The following KCNH1 variants were observed in gnomAD, a reference collection of about 807,000 sequenced individuals.
KCNH1 encodes the protein potassium voltage-gated channel subfamily H member 1.
Under a neutral mutation model 69.2 loss-of-function variants are expected in KCNH1, and 27 were observed. The ratio of observed to expected loss-of-function variants is 0.39; its 90% CI spans 0.29 to 0.54. The LOEUF is 0.54. Ranked by LOEUF, KCNH1 falls within the 20% of genes least tolerant of loss-of-function variation. The pLI, the probability that KCNH1 is intolerant of heterozygous loss-of-function variation, is 0.68. For synonymous variants in KCNH1, 456 were observed against 487.7 expected (o/e 0.93, Z 0.86); for missense variants, 798 against 1,261.6 (o/e 0.63, Z 5.57).
chr1:210,864,216 C>T (rs779617990), intron 7 of KCNH1, among the ~76,000 whole-genome samples: 5 of 152,204 alleles, frequency 3.3e-5, no homozygotes, highest in Admixed American at 6.5e-5. Context: ...GCTGTCTCCA[C>T]TATTGAGCCA....
chr1:210,954,058 C>T lies in KCNH1; in HGVS notation c.1033-33989G>A, dbSNP rs145634458. 2.6e-4 allele frequency among the ~76,000 whole-genome samples: 40 copies of T among 152,138 alleles called. No individual in the cohort carries two copies. The East Asian group carries it at 7.7e-3, about 29-fold the overall frequency. On this transcript the variant is annotated intron_variant, in intron 6 of 10. Coordinates refer to ENST00000271751, the MANE Select transcript of KCNH1 (RefSeq NM_172362.3). The stretch of plus-strand genomic sequence containing the variant: ...GCTATCTCTCCCCCAGCCTCCCAGC[C>T]CCCCATCCCAAGACAGGCCCCAGTG...
intron 7 of KCNH1, among the ~76,000 whole-genome samples, chr1:210,888,625 G>GT (rs1215497833): frequency 1.3e-5 from 2 of 152,072 alleles, no homozygotes; most frequent in Non-Finnish European, 2.9e-5. Context: ...CCAGGAGCTG[G>GT]TTTTTTGAAA....
At chr1:210,957,182 A>G (rs1327176512) in intron 6 of KCNH1, among the ~76,000 whole-genome samples, 1 of 152,166 alleles carries the variant, frequency 6.6e-6, no homozygotes, top group Non-Finnish European at 1.5e-5. Flanking sequence ...CCTAGTAGTC[A>G]TTCAGGAGCA....
intron 6 of KCNH1, among the ~76,000 whole-genome samples, chr1:211,007,323 A>G (rs749636393): frequency 1.5e-4 from 23 of 152,234 alleles, no homozygotes; most frequent in Non-Finnish European, 2.8e-4. Context: ...TATCAGAGCC[A>G]GATCACAGAG....
intron 7 of KCNH1, among the ~76,000 whole-genome samples, chr1:210,809,284 TC>T (rs571911939): frequency 6.6e-6 from 1 of 152,122 alleles, no homozygotes; most frequent in Non-Finnish European, 1.5e-5. Context: ...TGTGAATCTT[TC>T]CTGTGAACTG....
intron 7 of KCNH1, among the ~76,000 whole-genome samples, chr1:210,854,050 A>T (rs1164430745): frequency 1.3e-5 from 2 of 151,062 alleles, no homozygotes; most frequent in African/African-American, 4.8e-5. Context: ...AGGGCCAAAA[A>T]TCATGTTATT....
chr1:211,078,011 A>G (rs1690769572), intron 5 of KCNH1, among the ~76,000 whole-genome samples: 1 of 152,222 alleles, frequency 6.6e-6, no homozygotes, highest in South Asian at 2.1e-4. Flanking sequence ...AAACATCAAA[A>G]GAGACAAAGA....
intron 7 of KCNH1, among the ~76,000 whole-genome samples, chr1:210,820,124 A>T (rs1189362792): frequency 1.3e-5 from 2 of 152,232 alleles, no homozygotes; most frequent in Non-Finnish European, 2.9e-5. Context: ...ATTTTGGGGT[A>T]GTTTTCACAG....
At chr1:211,115,453 C>A (rs933878124) in intron 1 of KCNH1, among the ~76,000 whole-genome samples, 1 of 151,988 alleles carries the variant, frequency 6.6e-6, no homozygotes, top group Non-Finnish European at 1.5e-5. Flanking sequence ...CAGACCCACC[C>A]TTAATCTGGT....
At chr1:210,858,882 G>A (rs1265582935) in intron 7 of KCNH1, 1 of 282,652 alleles carries the variant, frequency 3.5e-6, no homozygotes, top group Non-Finnish European at 6.7e-6. Context: ...GATTTCCACA[G>A]TGTCACTTTG....
intron 5 of KCNH1, among the ~76,000 whole-genome samples, chr1:211,032,916 C>G (rs1689817521): frequency 2.0e-5 from 3 of 152,268 alleles, no homozygotes; most frequent in South Asian, 4.2e-4. Flanking sequence ...CAAATGGGAT[C>G]TAATTAAACT....
intron 10 of KCNH1, among the ~76,000 whole-genome samples, chr1:210,691,601 G>A (rs1175550556): frequency 6.6e-6 from 1 of 152,172 alleles, no homozygotes; most frequent in Non-Finnish European, 1.5e-5. Flanking sequence ...CTCAGTATAT[G>A]TTGATGACCT....
In KCNH1 at chr1:210,938,505, C is replaced by T. The variant is rs528672743; in HGVS notation, c.1033-18436G>A. Among the ~76,000 whole-genome samples, 42 of 152,302 alleles carry T rather than the reference C, an allele frequency of 2.8e-4. 1 individual carries two copies. In the South Asian group the frequency reaches 6.2e-3, roughly 23 times the overall value. On this transcript the variant is annotated intron_variant, in intron 6 of 10. Coordinates refer to ENST00000271751, the MANE Select transcript of KCNH1 (RefSeq NM_172362.3). ...CCCACTTAAACTAGGCAATATCTCC[C>T]TCTGTCTTCTAGATAAAATTCCTTT...
chr1:211,107,577 A>G (rs1353159632), intron 1 of KCNH1, among the ~76,000 whole-genome samples, 200 bp from the exon 2 acceptor site: 1 of 152,208 alleles, frequency 6.6e-6, no homozygotes, highest in African/African-American at 2.4e-5. Context: ...GCAAGTGCTA[A>G]CTTAGGTCAC....
chr1:211,014,855 T>C (rs1689464347), intron 6 of KCNH1, among the ~76,000 whole-genome samples: 1 of 152,132 alleles, frequency 6.6e-6, no homozygotes, highest in Non-Finnish European at 1.5e-5. Flanking sequence ...CTTAGATTCG[T>C]AACTCCACAA....
chr1:210,726,412 G>A (rs1237906757), intron 10 of KCNH1, among the ~76,000 whole-genome samples: 2 of 152,202 alleles, frequency 1.3e-5, no homozygotes, highest in Non-Finnish European at 2.9e-5. Context: ...AGGACAGAAG[G>A]AACCCTGCCA....
chr1:211,133,840 TA>T lies in KCNH1; in HGVS notation c.79+26del. ...TAAAGGCACGGATAAAACGCCCGGG[TA>T]ATCGAAATCCGAATGCACCTCTTAC... On this transcript the variant is annotated intron_variant, in intron 1 of 10. Transcript: ENST00000271751. The surrounding 1 kb of genome is among the most constrained non-coding windows in gnomAD (Gnocchi z 5.4). 6.3e-7 allele frequency: 1 copy of T among 1,597,108 alleles called. No individual in the cohort carries two copies. The highest frequency in any genetic ancestry group is 8.5e-7 in the Non-Finnish European group (1 of 1,169,940).
At chr1:211,087,734 T>C (rs979268045) in intron 4 of KCNH1, among the ~76,000 whole-genome samples, 1 of 152,048 alleles carries the variant, frequency 6.6e-6, no homozygotes, top group African/African-American at 2.4e-5. Context: ...CTGTGGGCAC[T>C]ATTTGTCAGA....
At chr1:210,743,910 C>T (rs1683091892) in intron 10 of KCNH1, among the ~76,000 whole-genome samples, 1 of 152,208 alleles carries the variant, frequency 6.6e-6, no homozygotes, top group South Asian at 2.1e-4. Context: ...GGAGGGACTA[C>T]ACTCAAGCTC....
Sources: gnomAD v4.1 joint callset for allele counts (sites outside exome capture counted in the v4.1 genomes callset) on GRCh38, gnomAD v4.1.1 for gene constraint, Gnocchi (gnomAD v3.1) non-coding constraint, MANE v1.5 for transcripts, NCBI Gene and HGNC (gene_info 2026-07-23, HGNC 2026-07-21) for gene names.